Variants in MITF observed in about 807,000 individuals in gnomAD.
The protein encoded by MITF is melanocyte inducing transcription factor.
MITF carries 17 observed loss-of-function variants against 60.5 expected under a neutral mutation model. The observed-to-expected ratio is 0.28, with a 90% CI of 0.19 to 0.42. The LOEUF is 0.42. MITF is among the 10% of genes least tolerant of loss of function. The pLI is 1.00. For synonymous variants in MITF, 260 were observed against 248.5 expected (o/e 1.05, Z -0.43); for missense variants, 622 against 683.5 (o/e 0.91, Z 1.00).
At chr3:69,874,409 T>G (rs531119585) in intron 1 of MITF, among the ~76,000 whole-genome samples, 1 of 152,238 alleles carries the variant, frequency 6.6e-6, no homozygotes, top group African/African-American at 2.4e-5. Flanking sequence ...CATGGTTTAA[T>G]ATTATTATTT....
chr3:69,959,522 T>A, intron 9 of MITF, 102 bp downstream of exon 9: 1 of 1,369,108 alleles, frequency 7.3e-7, no homozygotes, highest in Non-Finnish European at 1.0e-6. Flanking sequence ...TACGTGATCC[T>A]AACACAGTCA....
chr3:69,961,683 C>A (rs1396696351), intron 9 of MITF, among the ~76,000 whole-genome samples: 2 of 152,140 alleles, frequency 1.3e-5, no homozygotes, highest in Admixed American at 1.3e-4. Flanking sequence ...TGAGATTGTG[C>A]CATTGCACTC....
intron 1 of MITF, among the ~76,000 whole-genome samples, chr3:69,835,829 G>A (rs886412576): frequency 6.6e-6 from 1 of 152,054 alleles, no homozygotes; most frequent in African/African-American, 2.4e-5. Context: ...TGTTTCATTG[G>A]TCTTTGTGTG....
intron 1 of MITF, among the ~76,000 whole-genome samples, chr3:69,844,768 C>CT (rs34297927): frequency 0.32 from 47,816 of 149,672 alleles, 8,873 homozygotes; most frequent in Non-Finnish European, 0.43. Flanking sequence ...ACTTAAACAG[C>CT]TTTTTTTTTT....
At position 69,895,045 on chromosome 3, in the gene MITF, T is replaced by G. The variant is rs2064845015; in HGVS notation, c.354+15662T>G. ...TGTAGGTCTCCCCATCTGAGTCGTC[T>G]CAGACTTCCCTCCTAGCCTGGACTT... is the stretch of plus-strand genomic sequence containing the variant. On this transcript the variant is annotated intron_variant, in intron 2 of 9. Transcript: ENST00000352241. Among the ~76,000 whole-genome samples, 8 of 150,038 alleles carry G rather than the reference T, an allele frequency of 5.3e-5. No individual in the cohort carries two copies. The South Asian group carries it at 1.7e-3, about 32-fold the overall frequency.
intron 9 of MITF, among the ~76,000 whole-genome samples, chr3:69,961,307 G>T (rs1034095383): frequency 1.3e-5 from 2 of 151,742 alleles, no homozygotes; most frequent in African/African-American, 2.4e-5. Flanking sequence ...ACTTGAACCC[G>T]GGAGGCAGAG....
Position 69,841,412 on chromosome 3 carries a change from T to A in MITF, c.105-37722T>A, listed in dbSNP as rs564352318. On this transcript the variant is annotated intron_variant, in intron 1 of 9. Coordinates refer to ENST00000352241, the MANE Select transcript of MITF (RefSeq NM_001354604.2). ...GATAGATAAAAAGTGCAGGATGCAATTCTTGAAGCTGTAATTTGCAGGACA... is the reference window on the plus strand; with the variant it reads ...GATAGATAAAAAGTGCAGGATGCAAATCTTGAAGCTGTAATTTGCAGGACA... Among the ~76,000 whole-genome samples the A allele has an allele frequency of 3.9e-5, 6 of 152,374 alleles. No individual in the cohort carries two copies. The East Asian group carries it at 1.2e-3, about 29-fold the overall frequency.
chr3:69,912,311 C>G (rs534755773), intron 2 of MITF, among the ~76,000 whole-genome samples: 8 of 152,020 alleles, frequency 5.3e-5, no homozygotes, highest in African/African-American at 1.4e-4. Context: ...TTGTTGTCTT[C>G]AATATTTAAT....
chr3:69,752,856 G>A (rs756357594), intron 1 of MITF, among the ~76,000 whole-genome samples: 2 of 152,154 alleles, frequency 1.3e-5, no homozygotes, highest in African/African-American at 2.4e-5. Context: ...CTCCCACCAC[G>A]TGAGATGCCT....
chr3:69,943,964 C>T (rs1576017858), intron 5 of MITF, among the ~76,000 whole-genome samples: 1 of 152,024 alleles, frequency 6.6e-6, no homozygotes, highest in African/African-American at 2.4e-5. Context: ...GGTAGTAGTA[C>T]ATACCTATAG....
At chr3:69,961,550 C>CAAAAAA in intron 9 of MITF, among the ~76,000 whole-genome samples, 1 of 127,036 alleles carries the variant, frequency 7.9e-6, no homozygotes, top group Non-Finnish European at 1.7e-5. Flanking sequence ...ACCAAAAATA[C>CAAAAAA]AAAAAAAAAA....
intron 1 of MITF, among the ~76,000 whole-genome samples, chr3:69,779,878 A>C (rs888829218): frequency 3.9e-5 from 6 of 152,130 alleles, no homozygotes; most frequent in Non-Finnish European, 7.4e-5. Context: ...TGATATGCTG[A>C]AGTCTGTGTT....
chr3:69,802,070 A>G (rs946481569), intron 1 of MITF, among the ~76,000 whole-genome samples: 2 of 152,176 alleles, frequency 1.3e-5, no homozygotes, highest in Non-Finnish European at 2.9e-5. Flanking sequence ...ACATTTTCAT[A>G]TGAGAAAACA....
intron 1 of MITF, among the ~76,000 whole-genome samples, chr3:69,845,274 G>A (rs929913715): frequency 6.6e-6 from 1 of 151,756 alleles, no homozygotes; most frequent in African/African-American, 2.4e-5. Context: ...ATTAAAATTA[G>A]GAGAATGACT....
chr3:69,870,052 T>TTTC (rs2064194110), intron 1 of MITF, among the ~76,000 whole-genome samples: 1 of 152,066 alleles, frequency 6.6e-6, no homozygotes, highest in African/African-American at 2.4e-5. Flanking sequence ...CTTTCCTATT[T>TTTC]TTCTTCACCT....
At chr3:69,872,914 C>T (rs114448369) in intron 1 of MITF, among the ~76,000 whole-genome samples, 195 of 152,250 alleles carry the variant, frequency 1.3e-3, no homozygotes, top group African/African-American at 4.1e-3. Flanking sequence ...TGTCCAGTTG[C>T]GACACCATGA....
At chr3:69,839,084 A>G (rs916733199) in intron 1 of MITF, among the ~76,000 whole-genome samples, 2 of 152,088 alleles carry the variant, frequency 1.3e-5, no homozygotes, top group South Asian at 4.1e-4. Flanking sequence ...CAACCTGCAC[A>G]GTTTTTCATT....
At chr3:69,852,951 A>G (rs1245068178) in intron 1 of MITF, among the ~76,000 whole-genome samples, 1 of 152,188 alleles carries the variant, frequency 6.6e-6, no homozygotes, top group Non-Finnish European at 1.5e-5. Context: ...GAGTTAGAGA[A>G]TAAGTTGTTT....
intron 1 of MITF, among the ~76,000 whole-genome samples, chr3:69,872,560 A>G (rs1323654978): frequency 6.6e-6 from 1 of 152,184 alleles, no homozygotes. Flanking sequence ...TATATGAAGA[A>G]ATGTTTTAAT....
Sources: gnomAD v4.1 joint callset for allele counts (sites outside exome capture counted in the v4.1 genomes callset) on GRCh38, gnomAD v4.1.1 for gene constraint, MANE v1.5 for transcripts, NCBI Gene and HGNC (gene_info 2026-07-23, HGNC 2026-07-21) for gene names.